ST6GALNAC5: variants seen among roughly 807,000 people sequenced by gnomAD.
ST6GALNAC5 encodes the protein ST6 N-acetylgalactosaminide alpha-2,6-sialyltransferase 5.
In ST6GALNAC5, 27 loss-of-function variants were observed where a neutral mutation model predicts 33.6. The ratio of observed to expected loss-of-function variants is 0.80; its 90% CI spans 0.59 to 1.11. The LOEUF is 1.11. Ranked by LOEUF, ST6GALNAC5 falls within the 50% of genes least tolerant of loss-of-function variation. The pLI, the probability that ST6GALNAC5 is intolerant of heterozygous loss-of-function variation, is 0.00. For synonymous variants in ST6GALNAC5, 194 were observed against 171.2 expected (o/e 1.13, Z -1.04); for missense variants, 428 against 454.0 (o/e 0.94, Z 0.52).
intron 2 of ST6GALNAC5, among the ~76,000 whole-genome samples, chr1:76,876,365 G>A (rs908829117): frequency 2.6e-5 from 4 of 152,188 alleles, no homozygotes; most frequent in Non-Finnish European, 5.9e-5. Context: ...TGGCCATTTT[G>A]TTCATGGGCC....
At chr1:77,059,621 A>G (rs975144002) in intron 4 of ST6GALNAC5, among the ~76,000 whole-genome samples, 1 of 152,102 alleles carries the variant, frequency 6.6e-6, no homozygotes, top group East Asian at 1.9e-4. Context: ...TAAAGATAGT[A>G]TTTTTCCCTT....
Position 77,048,827 on chromosome 1 carries a change from C to T in ST6GALNAC5, c.672-1431C>T, listed in dbSNP as rs544050809. The stretch of plus-strand genomic sequence containing the variant: ...GCTTGCTTATTTAGCTCTCAAGTAG[C>T]CCAGGGGACAGAGATTCCTATGCCT... On this transcript the variant is annotated intron_variant, in intron 3 of 4. Transcript: ENST00000477717. 1.4e-4 allele frequency among the ~76,000 whole-genome samples: 22 copies of T among 152,262 alleles called. No homozygotes were observed. The South Asian group carries it at 4.6e-3, about 32-fold the overall frequency.
At chr1:77,062,933 A>G (rs753945631) in intron 4 of ST6GALNAC5, 42 bp from the exon 5 acceptor site, 65 of 1,563,406 alleles carry the variant, frequency 4.2e-5, no homozygotes, top group Middle Eastern at 1.7e-4. Flanking sequence ...AAGGAAAAAA[A>G]ATTTTTTTGC....
At chr1:76,986,631 T>A (rs891781997) in intron 2 of ST6GALNAC5, among the ~76,000 whole-genome samples, 2 of 151,888 alleles carry the variant, frequency 1.3e-5, no homozygotes, top group African/African-American at 2.4e-5. Context: ...AGAACTAGAA[T>A]TACCATTTGA....
At chr1:77,032,962 G>A (rs748430119) in intron 2 of ST6GALNAC5, among the ~76,000 whole-genome samples, 3 of 152,056 alleles carry the variant, frequency 2.0e-5, no homozygotes, top group Admixed American at 6.6e-5. Context: ...CGGGCTTGTC[G>A]GGCCACATTA....
chr1:76,934,127 G>A (rs1647172837), intron 2 of ST6GALNAC5, among the ~76,000 whole-genome samples: 1 of 152,000 alleles, frequency 6.6e-6, no homozygotes, highest in African/African-American at 2.4e-5. Context: ...TTGAGTGACA[G>A]GCTCCCTTTG....
intron 2 of ST6GALNAC5, among the ~76,000 whole-genome samples, chr1:77,038,488 T>C (rs1185016464): frequency 1.3e-5 from 2 of 152,236 alleles, no homozygotes; most frequent in Non-Finnish European, 2.9e-5. Flanking sequence ...AAGACCGGTC[T>C]CATTACTGAG....
chr1:76,981,816 G>T (rs1260667476), intron 2 of ST6GALNAC5, among the ~76,000 whole-genome samples: 1 of 152,192 alleles, frequency 6.6e-6, no homozygotes, highest in Non-Finnish European at 1.5e-5. Flanking sequence ...AATATTTGCT[G>T]TTCTGCAATA....
chr1:76,956,138 A>C (rs192631286), intron 2 of ST6GALNAC5, among the ~76,000 whole-genome samples: 1 of 152,330 alleles, frequency 6.6e-6, no homozygotes, highest in Admixed American at 6.5e-5. Flanking sequence ...GTTAGGAGTC[A>C]TCGTCTCCCA....
chr1:77,047,144 A>C (rs1403550578), intron 3 of ST6GALNAC5, among the ~76,000 whole-genome samples: 1 of 152,154 alleles, frequency 6.6e-6, no homozygotes, highest in African/African-American at 2.4e-5. Context: ...TACTCAGGGG[A>C]ATCACACTTA....
In ST6GALNAC5 at chr1:77,063,444, T is replaced by C; in HGVS notation, c.*238T>C. Reference sequence around the variant, plus strand: ...CCTTCAATGGTGTTACCTTAGGAGCTGAACATTCAATTCAGTTACACCACT... The same window carrying C: ...CCTTCAATGGTGTTACCTTAGGAGCCGAACATTCAATTCAGTTACACCACT... On this transcript the variant is annotated 3_prime_UTR_variant, in exon 5 of 5. Transcript: ENST00000477717. 1.9e-6 allele frequency: 1 copy of C among 515,364 alleles called. No homozygotes were observed. The allele number at this position is 515,364 out of a possible 1,614,324, so 31.9% of individuals were successfully genotyped here. A position where few individuals can be genotyped will look rare whatever the true frequency, so the allele number is the denominator to read the frequency against.
In ST6GALNAC5 at chr1:77,033,650, C is replaced by A. The variant is rs114302839; in HGVS notation, c.262-10554C>A. Among the ~76,000 whole-genome samples, 401 of 152,124 alleles carry A rather than the reference C, an allele frequency of 2.6e-3. 4 individuals carry two copies. Among genetic ancestry groups the A allele is most frequent in the African/African-American group, 9.4e-3 (391 of 41,496 alleles). On this transcript the variant is annotated intron_variant, in intron 2 of 4. Transcript: ENST00000477717. ...AGTGGGGGAGGCAGTCAGGAAGGGC[C>A]TCCTGGAGGAGGTGACATTTAAGCT...
intron 2 of ST6GALNAC5, among the ~76,000 whole-genome samples, chr1:76,972,291 C>T (rs1490733164): frequency 7.2e-5 from 11 of 152,058 alleles, no homozygotes; most frequent in Admixed American, 7.2e-4. Flanking sequence ...TGGGAAAGAC[C>T]TCACCCTGTG....
intron 2 of ST6GALNAC5, among the ~76,000 whole-genome samples, chr1:77,025,376 C>G (rs451650): frequency 6.6e-6 from 1 of 151,586 alleles, no homozygotes; most frequent in Non-Finnish European, 1.5e-5. Flanking sequence ...TTACTAAAAA[C>G]ACAAAAATTA....
rs1301199245 is a variant in ST6GALNAC5 at position 77,023,065 on chromosome 1, G to A, written c.262-21139G>A. On this transcript the variant is annotated intron_variant, in intron 2 of 4. Coordinates refer to ENST00000477717, the MANE Select transcript of ST6GALNAC5 (RefSeq NM_030965.3). ...CTGGTGTTCTTATGAGAAGAGGTTG[G>A]GACACTGAAAACACAGGCCAAGGGA... 1.6e-4 allele frequency among the ~76,000 whole-genome samples: 24 copies of A among 152,116 alleles called. 1 individual carries two copies. Among genetic ancestry groups the A allele is most frequent in the Non-Finnish European group, 7.4e-5 (5 of 68,026 alleles).
intron 2 of ST6GALNAC5, among the ~76,000 whole-genome samples, chr1:76,984,919 T>A (rs924578586): frequency 6.6e-6 from 1 of 152,154 alleles, no homozygotes; most frequent in African/African-American, 2.4e-5. Context: ...AGAAACCACA[T>A]GATTATCTCA....
chr1:77,044,485 C>A lies in ST6GALNAC5; in HGVS notation c.543C>A (p.Gly181=), dbSNP rs781158357. The A allele has an allele frequency of 4.3e-6, 7 of 1,613,378 alleles. No homozygotes were observed. The highest frequency in any genetic ancestry group is 5.9e-6 in the Non-Finnish European group (7 of 1,179,784). Residue 181 remains glycine (G), a synonymous_variant, in exon 3 of 5, where the codon GGC becomes GGA. Transcript: ENST00000477717. ...WGPSSYMRRD[G]KGQVYNNLHL... ...CCAGCAGCTACATGCGGCGGGACGGCAAGGGCCAGGTCTACAACAACCTGC... is the reference window on the plus strand; with the variant it reads ...CCAGCAGCTACATGCGGCGGGACGGAAAGGGCCAGGTCTACAACAACCTGC...
At chr1:76,943,048 T>G (rs1397100895) in intron 2 of ST6GALNAC5, among the ~76,000 whole-genome samples, 4 of 152,018 alleles carry the variant, frequency 2.6e-5, no homozygotes, top group Non-Finnish European at 5.9e-5. Flanking sequence ...ACTAACAAAT[T>G]CCCATTCTTT....
chr1:77,045,620 A>T (rs1336110063), intron 3 of ST6GALNAC5, among the ~76,000 whole-genome samples: 1 of 152,240 alleles, frequency 6.6e-6, no homozygotes, highest in Non-Finnish European at 1.5e-5. Context: ...AAAGATGTAC[A>T]TAAGCTGAGA....
Sources: gnomAD v4.1 joint callset for allele counts (sites outside exome capture counted in the v4.1 genomes callset) on GRCh38, gnomAD v4.1.1 for gene constraint, MANE v1.5 for transcripts, NCBI Gene and HGNC (gene_info 2026-07-23, HGNC 2026-07-21) for gene names.